The following CPA6 variants were observed in gnomAD, a reference collection of about 807,000 sequenced individuals.
CPA6 encodes the protein carboxypeptidase A6.
CPA6 carries 58 observed loss-of-function variants against 63.3 expected under a neutral mutation model. That is an observed-to-expected ratio of 0.92 (90% confidence interval 0.74 to 1.14). CPA6 has a LOEUF of 1.14. Ranked by LOEUF, CPA6 falls within the 50% of genes most tolerant of loss-of-function variation. The probability of loss-of-function intolerance (pLI) is 0.00; values close to 1 mark genes in which losing one functional copy is unlikely to be tolerated. For missense variants in CPA6, 565 were observed against 526.6 expected, an observed-to-expected ratio of 1.07 and a Z score of -0.71; for synonymous variants, 185 against 179.0, an observed-to-expected ratio of 1.03 and a Z score of -0.27.
At chr8:67,614,791 A>G (rs1224833951) in intron 2 of CPA6, among the ~76,000 whole-genome samples, 1 of 152,172 alleles carries the variant, frequency 6.6e-6, no homozygotes, top group African/African-American at 2.4e-5. Flanking sequence ...TGCCTTTGGA[A>G]CATGAGCTCC....
At chr8:67,632,373 A>G (rs1815361233) in intron 1 of CPA6, among the ~76,000 whole-genome samples, 1 of 151,940 alleles carries the variant, frequency 6.6e-6, no homozygotes, top group African/African-American at 2.4e-5. Flanking sequence ...GGGTCTTACT[A>G]TGTTGCCCAG....
intron 8 of CPA6, among the ~76,000 whole-genome samples, chr8:67,436,092 G>A (rs1810146475): frequency 6.6e-6 from 1 of 152,098 alleles, no homozygotes; most frequent in Admixed American, 6.5e-5. Context: ...ACCAACCAGG[G>A]GAGCCACTAA....
intron 2 of CPA6, among the ~76,000 whole-genome samples, chr8:67,620,700 T>A (rs1361742091): frequency 6.6e-6 from 1 of 152,198 alleles, no homozygotes; most frequent in Non-Finnish European, 1.5e-5. Flanking sequence ...TCATTCAAAT[T>A]TAAAATGACA....
At chr8:67,522,169 C>T (rs547474926) in intron 2 of CPA6, among the ~76,000 whole-genome samples, 2 of 152,146 alleles carry the variant, frequency 1.3e-5, no homozygotes, top group East Asian at 1.9e-4. Flanking sequence ...TTAAATGGTG[C>T]TTTTTTCAGG....
intron 2 of CPA6, among the ~76,000 whole-genome samples, chr8:67,543,130 C>G (rs1317417555): frequency 8.5e-5 from 13 of 152,116 alleles, no homozygotes; most frequent in Admixed American, 7.2e-4. Flanking sequence ...TCTCAAAAGC[C>G]CTGCTATTTT....
chr8:67,602,760 T>C (rs1269381837), intron 2 of CPA6, among the ~76,000 whole-genome samples: 1 of 152,156 alleles, frequency 6.6e-6, no homozygotes, highest in Non-Finnish European at 1.5e-5. Context: ...GTCAGGAAAT[T>C]ATAGCTTCAT....
At position 67,497,408 on chromosome 8, in the gene CPA6, C is replaced by T. The variant is rs150033147; in HGVS notation, c.636+9379G>A. On this transcript the variant is annotated intron_variant, in intron 6 of 10. Transcript: ENST00000297770. ...CATTTAGCATAATGTCTTCAAGGTCCATCACTGCTGTATCTTAATACCTTC... is the reference window on the plus strand; with the variant it reads ...CATTTAGCATAATGTCTTCAAGGTCTATCACTGCTGTATCTTAATACCTTC... 2.7e-3 allele frequency among the ~76,000 whole-genome samples: 417 copies of T among 152,242 alleles called. 3 individuals are homozygous for T. The highest frequency in any genetic ancestry group is 9.3e-3 in the African/African-American group (388 of 41,528).
intron 8 of CPA6, among the ~76,000 whole-genome samples, chr8:67,443,034 TGC>T (rs1810329364): frequency 6.6e-6 from 1 of 151,756 alleles, no homozygotes; most frequent in Non-Finnish European, 1.5e-5. Flanking sequence ...GTTTCTGACC[TGC>T]ATCATGGCAA....
chr8:67,509,514 T>C lies in CPA6; in HGVS notation c.534+3A>G. ...TATTTACACAGCAATTGCTTATTTTTACCTTTAAAATAAAAAGAGATCTTC... is the reference window on the plus strand; with the variant it reads ...TATTTACACAGCAATTGCTTATTTTCACCTTTAAAATAAAAAGAGATCTTC... On this transcript the variant is annotated splice_donor_region_variant and intron_variant, in intron 5 of 10. Coordinates refer to ENST00000297770, the MANE Select transcript of CPA6 (RefSeq NM_020361.5). 2 of 1,416,548 alleles carry C rather than the reference T, an allele frequency of 1.4e-6. No individual in the cohort carries two copies. The highest frequency in any genetic ancestry group is 2.0e-6 in the Non-Finnish European group (2 of 1,010,498). 87.7% of individuals were successfully genotyped at this position (1,416,548 alleles called of 1,614,324 possible).
At chr8:67,614,849 A>G (rs946015386) in intron 2 of CPA6, among the ~76,000 whole-genome samples, 28 of 152,266 alleles carry the variant, frequency 1.8e-4, no homozygotes, top group African/African-American at 6.7e-4. Context: ...TGACTTCCCA[A>G]TTGGATGTTC....
intron 2 of CPA6, among the ~76,000 whole-genome samples, chr8:67,608,289 C>T (rs667215): frequency 6.6e-6 from 1 of 152,214 alleles, no homozygotes; most frequent in Non-Finnish European, 1.5e-5. Flanking sequence ...TCCCCCTATC[C>T]TGTGTCCATA....
chr8:67,611,328 C>T (rs1260085263), intron 2 of CPA6, among the ~76,000 whole-genome samples: 1 of 152,168 alleles, frequency 6.6e-6, no homozygotes, highest in Non-Finnish European at 1.5e-5. Context: ...AGGTGATCTG[C>T]CTGCCTCAGC....
At chr8:67,644,967 C>G (rs1403221484) in intron 1 of CPA6, among the ~76,000 whole-genome samples, 1 of 152,158 alleles carries the variant, frequency 6.6e-6, no homozygotes, top group African/African-American at 2.4e-5. Context: ...GGTTTTGTTA[C>G]TCTACTTCTA....
chr8:67,698,783 A>G (rs1399558035), intron 1 of CPA6, among the ~76,000 whole-genome samples: 1 of 152,212 alleles, frequency 6.6e-6, no homozygotes, highest in African/African-American at 2.4e-5. Context: ...GGGAAAGGCA[A>G]TGACACCTCT....
chr8:67,607,219 CTTCTTCTTCTTCTTCTTCTTCTTCTTCTT>C (rs1814679825), intron 2 of CPA6, among the ~76,000 whole-genome samples: 4 of 108,712 alleles, frequency 3.7e-5, no homozygotes, highest in South Asian at 3.6e-4. Flanking sequence ...TCTTCTTCTT[CTTCTTCTTCTTCTTCTTCTTCTTCTTCTT>C]CTTCTCCTCC....
chr8:67,552,189 T>A (rs980858392), intron 2 of CPA6, among the ~76,000 whole-genome samples: 9 of 152,128 alleles, frequency 5.9e-5, no homozygotes, highest in African/African-American at 2.2e-4. Context: ...AGCTTAAAAG[T>A]GAAGAAACAG....
At chr8:67,484,843 AAG>A in intron 6 of CPA6, 54 bp from the exon 7 acceptor site, 2 of 986,556 alleles carry the variant, frequency 2.0e-6, no homozygotes, top group South Asian at 2.8e-5. Flanking sequence ...AAGAGGAAAA[AAG>A]AGTGTGAGAT....
intron 2 of CPA6, among the ~76,000 whole-genome samples, chr8:67,539,756 A>G (rs1216102377): frequency 1.3e-5 from 2 of 151,924 alleles, no homozygotes; most frequent in Non-Finnish European, 1.5e-5. Context: ...TTGATCTTCA[A>G]TCTCTGGTAT....
intron 2 of CPA6, among the ~76,000 whole-genome samples, chr8:67,545,195 A>C (rs1443232293): frequency 1.3e-5 from 2 of 152,188 alleles, no homozygotes; most frequent in African/African-American, 4.8e-5. Flanking sequence ...TTAGAATTTC[A>C]TATATATGTT....
Sources: allele counts gnomAD v4.1 joint callset (sites outside exome capture counted in the v4.1 genomes callset), GRCh38; gene constraint gnomAD v4.1.1; transcripts MANE v1.5; gene names NCBI Gene and HGNC (gene_info 2026-07-23, HGNC 2026-07-21).